The following SLC45A1 variants were observed in gnomAD, a reference collection of about 807,000 sequenced individuals.
The protein encoded by SLC45A1 is proton-associated sugar transporter A.
In SLC45A1, 28 loss-of-function variants were observed where a neutral mutation model predicts 57.6. That is an observed-to-expected ratio of 0.49 (90% CI 0.36 to 0.67). SLC45A1 has a LOEUF of 0.67. SLC45A1 is among the 30% of genes least tolerant of loss of function. The pLI, the probability that SLC45A1 is intolerant of heterozygous loss-of-function variation, is 0.00. For missense variants in SLC45A1, 814 were observed against 1,041.5 expected (o/e 0.78, Z 3.01); for synonymous variants, 459 against 471.5 (o/e 0.97, Z 0.34).
chr1:8,329,355 C>T lies in SLC45A1; in HGVS notation c.716-854C>T, dbSNP rs538981683. On this transcript the variant is annotated intron_variant, in intron 4 of 8. Transcript: ENST00000471889. Reference sequence around the variant, plus strand: ...CCCTCCTCTCCTCTCAACACTAGACCGACTCAAAATGTAGCTGAACTCACA... The same window carrying T: ...CCCTCCTCTCCTCTCAACACTAGACTGACTCAAAATGTAGCTGAACTCACA... Among the ~76,000 whole-genome samples, 15 of 152,304 alleles carry T rather than the reference C, an allele frequency of 9.8e-5. No homozygotes were observed. The South Asian group carries it at 1.2e-3, about 13-fold the overall frequency.
rs565740366 is a variant in SLC45A1, at chr1:8,324,943, C to T, written c.397+217C>T. On this transcript the variant is annotated intron_variant, in intron 2 of 8. Transcript: ENST00000471889. ...ATAGAACAGGGATTTAGCAGCTCCC[C>T]GAGGGCTGACACCGTCTGATGCCAG... Among the ~76,000 whole-genome samples the T allele has an allele frequency of 6.6e-5, 10 of 152,282 alleles. No homozygotes were observed. The East Asian group carries it at 7.7e-4, about 12-fold the overall frequency.
intron 4 of SLC45A1, among the ~76,000 whole-genome samples, chr1:8,329,400 C>T (rs956150702): frequency 2.0e-5 from 3 of 152,190 alleles, no homozygotes; most frequent in South Asian, 2.1e-4. Context: ...AATAAAACAC[C>T]GGATCCCTGA....
Position 8,339,495 on chromosome 1 carries a change from A to C in SLC45A1, c.1777A>C (p.Ile593Leu). The C allele has an allele frequency of 6.2e-7, 1 of 1,613,836 alleles. No individual in the cohort carries two copies. The part of the protein sequence containing the change: ...YAFSAAFYSA[I>L]LEKLEEFLSV... ...CTCACCCTCTCTGTGGCCCGCAGCT[A>C]TCCTGGAGAAGCTGGAGGAGTTCCT... The change falls in exon 8 of 9, where the codon ATC becomes CTC. Residue 593 changes from isoleucine (I) to leucine (L), a missense_variant and splice_region_variant. Transcript: ENST00000471889.
chr1:8,338,571 T>C (rs963454196), intron 7 of SLC45A1, among the ~76,000 whole-genome samples: 28 of 152,218 alleles, frequency 1.8e-4, no homozygotes, highest in African/African-American at 6.8e-4. Flanking sequence ...GTCCGCATAC[T>C]TTTTTCGCAA....
At chr1:8,320,522 T>A (rs1027109847) in intron 1 of SLC45A1, among the ~76,000 whole-genome samples, 1 of 152,126 alleles carries the variant, frequency 6.6e-6, no homozygotes, top group Non-Finnish European at 1.5e-5. Context: ...TGTGCACCTG[T>A]AGTTCCAGCT....
In SLC45A1 at chr1:8,339,550, A is replaced by G. The variant is rs754751877; in HGVS notation, c.1832A>G (p.Tyr611Cys). 32 of 1,613,996 alleles carry G rather than the reference A, an allele frequency of 2.0e-5. No individual in the cohort carries two copies. The highest frequency in any genetic ancestry group is 3.3e-4 in the Middle Eastern group (2 of 6,084). ...LSVRTLYFIAYLAFGLGTGLA... is the reference protein window; with the variant it reads ...LSVRTLYFIACLAFGLGTGLA... ...GTCCGCACCCTCTACTTCATCGCCT[A>G]TCTCGCCTTCGGCCTGGGGACCGGG... Residue 611 changes from tyrosine to cysteine, a missense_variant, in exon 8 of 9, where the codon TAT becomes TGT. Transcript: ENST00000471889.
rs1191749536 is a variant in SLC45A1 at position 8,326,994 on chromosome 1, CA to C, written c.715+955del. 2.0e-5 allele frequency among the ~76,000 whole-genome samples: 3 copies of C among 152,140 alleles called. No homozygotes were observed. Among genetic ancestry groups the C allele is most frequent in the Admixed American group, 2.0e-4 (3 of 15,266 alleles). ...AACCTCCATCTCAAAAACAAACAAA[CA>C]AACAAACACCAACTCTTGTTTCCAG... is the stretch of plus-strand genomic sequence containing the variant. On this transcript the variant is annotated intron_variant, in intron 4 of 8. Coordinates refer to ENST00000471889, the MANE Select transcript of SLC45A1 (RefSeq NM_001080397.3). The surrounding 1 kb of genome is among the most constrained non-coding windows in gnomAD (Gnocchi z 5.5).
rs1640257647 is a variant in SLC45A1 at position 8,328,122 on chromosome 1, TG to T, written c.715+2082del. ...TTGATTGCCCACAGTCAGTTACAGATGGAACTCCTTCCTCTACTCTTTCCCC... is the reference window on the plus strand; with the variant it reads ...TTGATTGCCCACAGTCAGTTACAGATGAACTCCTTCCTCTACTCTTTCCCC... On this transcript the variant is annotated intron_variant, in intron 4 of 8. Transcript: ENST00000471889. The surrounding 1 kb of genome is among the most constrained non-coding windows in gnomAD (Gnocchi z 4.6). 1 of 152,220 alleles carries T rather than the reference TG, an allele frequency of 6.6e-6. No individual in the cohort carries two copies. The highest frequency in any genetic ancestry group is 6.5e-5 in the Admixed American group (1 of 15,278). The allele number at this position is 152,220 out of a possible 1,614,324, so 9.4% of individuals were successfully genotyped here.
intron 1 of SLC45A1, among the ~76,000 whole-genome samples, chr1:8,320,123 T>C (rs1218372098): frequency 1.3e-5 from 2 of 152,244 alleles, no homozygotes; most frequent in Non-Finnish European, 2.9e-5. Flanking sequence ...GATTTGAAGA[T>C]GAATCCTTAG....
chr1:8,333,702 T>C (rs1640496331), intron 5 of SLC45A1, among the ~76,000 whole-genome samples: 1 of 152,254 alleles, frequency 6.6e-6, no homozygotes, highest in Admixed American at 6.5e-5. Context: ...TTCAAGGTGC[T>C]GGGATTCCAG....
At chr1:8,336,245 A>C (rs1171950479) in intron 6 of SLC45A1, 1 of 152,100 alleles carries the variant, frequency 6.6e-6, no homozygotes, top group Non-Finnish European at 1.5e-5. Context: ...CCCCATCTCT[A>C]CTAAAAATAC....
In SLC45A1 at chr1:8,324,724, T is replaced by G; in HGVS notation, c.395T>G (p.Leu132Arg). Reference protein sequence around the residue: ...YSLVWFISPILGFLLQPLLGA... With the variant: ...YSLVWFISPIRGFLLQPLLGA... ...CTGGTGTGGTTCATCAGCCCCATCC[T>G]CGGTGAGCCCCGGCTCCTCCCCGAT... The change falls in exon 2 of 9, where the codon CTC (leucine) becomes CGC (arginine). Residue 132 changes from leucine (L) to arginine (R), a missense_variant and splice_region_variant. Leu to Arg is a moderately radical substitution (Grantham distance 102, BLOSUM62 -2). Transcript: ENST00000471889. 1 of 1,581,500 alleles carries G rather than the reference T, an allele frequency of 6.3e-7. No individual in the cohort carries two copies.
chr1:8,323,984 G>T (rs1222202390), intron 1 of SLC45A1, among the ~76,000 whole-genome samples: 1 of 152,190 alleles, frequency 6.6e-6, no homozygotes, highest in Non-Finnish European at 1.5e-5. Flanking sequence ...GTCCTTGGAG[G>T]CCGGAGAGGA....
In SLC45A1 at chr1:8,330,033, C is replaced by T; in HGVS notation, c.716-176C>T. 2.6e-6 allele frequency: 2 copies of T among 779,542 alleles called. No homozygotes were observed. The highest frequency in any genetic ancestry group is 1.8e-5 in the African/African-American group (1 of 57,068). 48.3% of individuals were successfully genotyped at this position (779,542 alleles called of 1,614,324 possible). On this transcript the variant is annotated intron_variant, in intron 4 of 8. Transcript: ENST00000471889. The surrounding 1 kb of genome is among the most constrained non-coding windows in gnomAD (Gnocchi z 8.4). ...GTGCAGGACAGGAGGGGGACCTCCT[C>T]AAGGGGCCCGCCCTGGGAATCCTGT...
At chr1:8,332,806 C>T (rs960995262) in intron 5 of SLC45A1, among the ~76,000 whole-genome samples, 3 of 152,148 alleles carry the variant, frequency 2.0e-5, no homozygotes, top group Non-Finnish European at 2.9e-5. Context: ...CAACCACACC[C>T]GGCCAGAATC....
At chr1:8,341,978 A>C (rs537444263) in intron 8 of SLC45A1, among the ~76,000 whole-genome samples, 94 of 152,160 alleles carry the variant, frequency 6.2e-4, no homozygotes, top group African/African-American at 1.9e-3. Flanking sequence ...GAGGCCAAGG[A>C]GGGTGGATCA....
chr1:8,332,400 C>T (rs1640442638), intron 5 of SLC45A1, among the ~76,000 whole-genome samples: 1 of 152,140 alleles, frequency 6.6e-6, no homozygotes, highest in African/African-American at 2.4e-5. Flanking sequence ...CCACGAAGGC[C>T]AAGAACCTTC....
chr1:8,321,905 G>A (rs1224327994), intron 1 of SLC45A1, among the ~76,000 whole-genome samples: 1 of 150,176 alleles, frequency 6.7e-6, no homozygotes, highest in African/African-American at 2.5e-5. Flanking sequence ...ATGGGTGGGT[G>A]GATGGATGGA....
rs1254301076 is a variant in SLC45A1, at chr1:8,337,884, G to A, written c.1666G>A (p.Asp556Asn). 1.2e-6 allele frequency: 2 copies of A among 1,614,210 alleles called. No individual in the cohort carries two copies. Among genetic ancestry groups the A allele is most frequent in the Non-Finnish European group, 1.7e-6 (2 of 1,180,036 alleles). The change falls in exon 7 of 9, where the codon GAC (aspartate) becomes AAC (asparagine). Residue 556 changes from aspartate to asparagine, a missense_variant. Asp to Asn is a conservative substitution (Grantham distance 23, BLOSUM62 1). Coordinates refer to ENST00000471889, the MANE Select transcript of SLC45A1 (RefSeq NM_001080397.3). ...CATGGGCGAGGTGGTGTTTCAGGGG[G>A]ACCCCAAGGCCCCGCACACATCAGA... ...DFMGEVVFQG[D>N]PKAPHTSEAY...
Sources: gnomAD v4.1 joint callset for allele counts (sites outside exome capture counted in the v4.1 genomes callset) on GRCh38, gnomAD v4.1.1 for gene constraint, Gnocchi (gnomAD v3.1) non-coding constraint, MANE v1.5 for transcripts, NCBI Gene and HGNC (gene_info 2026-07-23, HGNC 2026-07-21) for gene names.